SIPA1L1: variants seen among roughly 807,000 people sequenced by gnomAD.
The protein encoded by SIPA1L1 is signal induced proliferation associated 1 like 1, also known as signal-induced proliferation-associated 1-like protein 1.
Under a neutral mutation model 162.7 loss-of-function variants are expected in SIPA1L1, and 26 were observed. The ratio of observed to expected loss-of-function variants is 0.16; its 90% confidence interval spans 0.12 to 0.22. The LOEUF (loss-of-function observed/expected upper bound fraction) is 0.22, where lower values mean the gene tolerates loss of function less well. Among genes scored for constraint, SIPA1L1 ranks in the 10% least tolerant of loss-of-function variants. The pLI is 1.00. For synonymous variants in SIPA1L1, 829 were observed against 837.4 expected (o/e 0.99, Z 0.17); for missense variants, 1,874 against 2,241.0 (o/e 0.84, Z 3.31).
rs140141318 is a variant in SIPA1L1 at position 71,518,185 on chromosome 14, G to A, written c.-362+5340G>A. Among the ~76,000 whole-genome samples the A allele has an allele frequency of 9.8e-3, 1,496 of 152,158 alleles. 23 individuals are homozygous for A. Among genetic ancestry groups the A allele is most frequent in the South Asian group, 0.062 (301 of 4,824 alleles). ...TGTAGTTTCAGTTACTTGGGAGGCT[G>A]AGGTGGGAGGATTGCTTGAGCTTCA... On this transcript the variant is annotated intron_variant, in intron 3 of 23. Coordinates refer to ENST00000381232, the MANE Select transcript of SIPA1L1 (RefSeq NM_001386936.1).
chr14:71,344,136 G>A (rs1429469352), intron 2 of SIPA1L1, among the ~76,000 whole-genome samples: 1 of 152,154 alleles, frequency 6.6e-6, no homozygotes, highest in African/African-American at 2.4e-5. Context: ...GCAAACATTT[G>A]AAGGAAGTAT....
At chr14:71,341,414 G>A (rs759108335) in intron 2 of SIPA1L1, among the ~76,000 whole-genome samples, 20 of 152,158 alleles carry the variant, frequency 1.3e-4, no homozygotes, top group African/African-American at 2.2e-4. Flanking sequence ...TAAAATTATC[G>A]GGCTGTCATC....
chr14:71,447,161 G>A (rs538508562), intron 2 of SIPA1L1, among the ~76,000 whole-genome samples: 55 of 151,380 alleles, frequency 3.6e-4, no homozygotes, highest in African/African-American at 1.3e-3. Flanking sequence ...TGATCCTCCT[G>A]CCTTAGCCTC....
chr14:71,409,451 G>T (rs990655844), intron 2 of SIPA1L1, among the ~76,000 whole-genome samples: 1 of 152,156 alleles, frequency 6.6e-6, no homozygotes, highest in Non-Finnish European at 1.5e-5. Context: ...TGGTGTGAGG[G>T]ATAAATCCAA....
intron 6 of SIPA1L1, among the ~76,000 whole-genome samples, chr14:71,622,306 T>A (rs1268300442): frequency 2.0e-5 from 3 of 152,216 alleles, no homozygotes; most frequent in African/African-American, 7.2e-5. Flanking sequence ...CATGTGAGTG[T>A]TTTTAAGCAT....
At chr14:71,428,941 G>A (rs2043786247) in intron 2 of SIPA1L1, among the ~76,000 whole-genome samples, 1 of 152,144 alleles carries the variant, frequency 6.6e-6, no homozygotes, top group Admixed American at 6.5e-5. Flanking sequence ...CAGGCTTTCT[G>A]CTAGAAGTTG....
At chr14:71,738,430 C>G (rs1011798473) in intron 23 of SIPA1L1, 105 bp downstream of exon 23, 3 of 700,066 alleles carry the variant, frequency 4.3e-6, no homozygotes, top group Non-Finnish European at 7.3e-6. Flanking sequence ...GGGTGTCTTC[C>G]CGGTGCCTGC....
At chr14:71,474,240 A>G (rs1198345664) in intron 2 of SIPA1L1, among the ~76,000 whole-genome samples, 2 of 152,258 alleles carry the variant, frequency 1.3e-5, no homozygotes, top group East Asian at 1.9e-4. Context: ...AGTACAAGCT[A>G]TGATCAACTA....
chr14:71,402,272 A>G (rs1278533049), intron 2 of SIPA1L1, among the ~76,000 whole-genome samples: 1 of 152,122 alleles, frequency 6.6e-6, no homozygotes, highest in Non-Finnish European at 1.5e-5. Flanking sequence ...GGCATTGTAT[A>G]AAAAAGGCAA....
At chr14:71,327,623 TG>T in intron 2 of SIPA1L1, among the ~76,000 whole-genome samples, 1 of 152,214 alleles carries the variant, frequency 6.6e-6, no homozygotes, top group East Asian at 1.9e-4. Flanking sequence ...GGAATAAAAA[TG>T]GAGTCAGTTT....
chr14:71,725,137 C>G (rs574631455), intron 19 of SIPA1L1, among the ~76,000 whole-genome samples: 1 of 152,210 alleles, frequency 6.6e-6, no homozygotes, highest in South Asian at 2.1e-4. Context: ...GGTGATATGA[C>G]TTCTTGGAAA....
chr14:71,324,583 C>T (rs1345357341), intron 2 of SIPA1L1, among the ~76,000 whole-genome samples: 2 of 152,128 alleles, frequency 1.3e-5, no homozygotes, highest in African/African-American at 2.4e-5. Flanking sequence ...GACAAAGTTA[C>T]AGAAAAAGAA....
chr14:71,399,367 G>A (rs943437325), intron 2 of SIPA1L1, among the ~76,000 whole-genome samples: 1 of 152,160 alleles, frequency 6.6e-6, no homozygotes, highest in Non-Finnish European at 1.5e-5. Context: ...TGTGGGCTCT[G>A]GTTCTTTCAG....
intron 7 of SIPA1L1, among the ~76,000 whole-genome samples, chr14:71,649,435 GC>G (rs955368218): frequency 6.6e-6 from 1 of 151,984 alleles, no homozygotes; most frequent in Non-Finnish European, 1.5e-5. Flanking sequence ...CAAGTGATCT[GC>G]CCCCCTCAGC....
At position 71,708,015 on chromosome 14, in the gene SIPA1L1, GTTTTTTTTTTTTTGT is replaced by G. The variant is rs1261618001; in HGVS notation, c.3766-1193_3766-1179del. On this transcript the variant is annotated intron_variant, in intron 16 of 23. Transcript: ENST00000381232. Reference sequence around the variant, plus strand: ...GCTTGTTGGACATTTGTTTTTTGGTGTTTTTTTTTTTTTGTTTTTTTTTTTTTTTTTGGAGAAATG... The same window carrying G: ...GCTTGTTGGACATTTGTTTTTTGGTGTTTTTTTTTTTTTTTTGGAGAAATG... Among the ~76,000 whole-genome samples, 78 of 100,302 alleles carry G rather than the reference GTTTTTTTTTTTTTGT, an allele frequency of 7.8e-4. 1 individual carries two copies. The highest frequency in any genetic ancestry group is 8.6e-3 in the Middle Eastern group (1 of 116). 65.8% of individuals were successfully genotyped at this position (100,302 alleles called of 152,430 possible). A position where few individuals can be genotyped will look rare whatever the true frequency, so the allele number is the denominator to read the frequency against.
chr14:71,542,732 CCTT>C (rs1228761256), intron 4 of SIPA1L1, among the ~76,000 whole-genome samples: 35 of 138,076 alleles, frequency 2.5e-4, no homozygotes, highest in South Asian at 6.8e-4. Context: ...TCCTCCTCCT[CCTT>C]CTTCTCTCTC....
chr14:71,617,427 G>A (rs991330809), intron 5 of SIPA1L1, among the ~76,000 whole-genome samples: 3 of 152,196 alleles, frequency 2.0e-5, no homozygotes, highest in African/African-American at 7.2e-5. Context: ...CATGAATTTT[G>A]TGACATTTAG....
intron 3 of SIPA1L1, among the ~76,000 whole-genome samples, chr14:71,525,114 C>T (rs2052729133): frequency 6.6e-6 from 1 of 152,124 alleles, no homozygotes; most frequent in Admixed American, 6.5e-5. Context: ...GCTGGGACTG[C>T]AGGCTCACAC....
At chr14:71,402,829 G>C (rs61991249) in intron 2 of SIPA1L1, among the ~76,000 whole-genome samples, 30,484 of 152,050 alleles carry the variant, frequency 0.2, 3,367 homozygotes, top group Middle Eastern at 0.36. Flanking sequence ...TAGATATTTG[G>C]TATTTAAAAT....
Sources: gnomAD v4.1 joint callset for allele counts (sites outside exome capture counted in the v4.1 genomes callset) on GRCh38, gnomAD v4.1.1 for gene constraint, MANE v1.5 for transcripts, NCBI Gene and HGNC (gene_info 2026-07-23, HGNC 2026-07-21) for gene names.